CCDC171: variants seen among roughly 807,000 people sequenced by gnomAD.
CCDC171 encodes coiled-coil domain-containing protein 171.
A neutral mutation model predicts 168.2 loss-of-function variants in CCDC171; 177 were observed. The observed-to-expected ratio is 1.05, with a 90% CI of 0.93 to 1.19. The LOEUF is 1.19. Among genes scored for constraint, CCDC171 ranks in the 50% most tolerant of loss-of-function variants. The pLI is 0.00. For synonymous variants in CCDC171, 687 were observed against 540.8 expected (o/e 1.27, Z -3.75); for missense variants, 1,991 against 1,539.0 (o/e 1.29, Z -4.91).
chr9:15,837,131 A>G (rs1011686599), intron 21 of CCDC171, among the ~76,000 whole-genome samples: 8 of 152,160 alleles, frequency 5.3e-5, no homozygotes, highest in African/African-American at 1.9e-4. Context: ...TAAAAGAAAA[A>G]GATTCTTCCG....
intron 20 of CCDC171, 128 bp downstream of exon 20, chr9:15,779,278 CTT>C (rs2057525716): frequency 2.0e-6 from 1 of 512,786 alleles, no homozygotes; most frequent in Non-Finnish European, 3.1e-6. Context: ...AATAACATCT[CTT>C]TTTCTTCAGA....
Position 15,866,430 on chromosome 9 carries a change from T to C in CCDC171, c.3469-8102T>C, listed in dbSNP as rs111619507. Among the ~76,000 whole-genome samples, 84 of 152,094 alleles carry C rather than the reference T, an allele frequency of 5.5e-4. 2 individuals carry two copies. Among genetic ancestry groups the C allele is most frequent in the Admixed American group, 2.2e-3 (33 of 15,246 alleles). On this transcript the variant is annotated intron_variant, in intron 23 of 25. Transcript: ENST00000380701. ...GTCAGAAGGAAGGATGTGAAACTTA[T>C]TCAGCAAAGTGGCATATGATGATGA...
the CCDC171 span, among the ~76,000 whole-genome samples, chr9:16,103,102 T>C: frequency 5.9e-5 from 9 of 152,338 alleles, no homozygotes; most frequent in East Asian, 1.5e-3. Context: ...TTTTGGGTCT[T>C]GGCAGGTCCA....
At chr9:16,001,301 C>T (rs182314727) in intron 3 of CCDC171, among the ~76,000 whole-genome samples, 1 of 152,200 alleles carries the variant, frequency 6.6e-6, no homozygotes, top group Admixed American at 6.5e-5. Flanking sequence ...TGCAGAGCCT[C>T]TCTCTCTTGA....
chr9:15,744,142 A>G lies in CCDC171; in HGVS notation c.2050-131A>G, dbSNP rs541106083. 3 of 707,536 alleles carry G rather than the reference A, an allele frequency of 4.2e-6. No homozygotes were observed. The South Asian group carries it at 6.1e-5, about 14-fold the overall frequency. 43.8% of individuals were successfully genotyped at this position (707,536 alleles called of 1,614,324 possible). On this transcript the variant is annotated intron_variant, in intron 16 of 25. Transcript: ENST00000380701. ...TGTCTATCTTATTTATATTTTGGAT[A>G]TTTTAGCACATGTATCTTTTAAAGA...
intron 11 of CCDC171, among the ~76,000 whole-genome samples, chr9:15,720,988 T>C (rs1261938966): frequency 1.3e-5 from 2 of 152,214 alleles, no homozygotes; most frequent in Non-Finnish European, 2.9e-5. Flanking sequence ...AATTTAGTTT[T>C]TGAAATTCAA....
chr9:15,708,962 T>A (rs910469394), intron 11 of CCDC171, among the ~76,000 whole-genome samples: 1 of 151,926 alleles, frequency 6.6e-6, no homozygotes, highest in Non-Finnish European at 1.5e-5. Flanking sequence ...GGTTTTACTC[T>A]TTTTTTTCAT....
intron 18 of CCDC171, among the ~76,000 whole-genome samples, chr9:15,757,958 C>T (rs2056225995): frequency 6.6e-6 from 1 of 152,296 alleles, no homozygotes; most frequent in East Asian, 1.9e-4. Flanking sequence ...CCAGGATGCC[C>T]AGGCAGAAGT....
In CCDC171 at chr9:15,821,339, C is replaced by A. The variant is rs1476999129; in HGVS notation, c.3268-25363C>A. Among the ~76,000 whole-genome samples, 2 of 116,618 alleles carry A rather than the reference C, an allele frequency of 1.7e-5. 1 individual carries two copies. Among genetic ancestry groups the A allele is most frequent in the African/African-American group, 6.5e-5 (2 of 30,864 alleles). 76.5% of individuals were successfully genotyped at this position (116,618 alleles called of 152,430 possible). The stretch of plus-strand genomic sequence containing the variant: ...ATAGTGTTGGAAGTTCTGGCCAGGG[C>A]AATCAGGCAGGAGAAGGAAATAAAG... On this transcript the variant is annotated intron_variant, in intron 21 of 25. Transcript: ENST00000380701.
chr9:16,092,838 C>G, the CCDC171 span, among the ~76,000 whole-genome samples: 1 of 152,174 alleles, frequency 6.6e-6, no homozygotes, highest in Non-Finnish European at 1.5e-5. Context: ...ACCTGTGTCC[C>G]CAGGGGTGGG....
At chr9:15,577,561 T>C (rs1488981485) in intron 3 of CCDC171, among the ~76,000 whole-genome samples, 1 of 152,196 alleles carries the variant, frequency 6.6e-6, no homozygotes, top group East Asian at 1.9e-4. Context: ...GCCAATATTA[T>C]AAACCCATCT....
intron 11 of CCDC171, among the ~76,000 whole-genome samples, chr9:15,695,876 A>T (rs1216256750): frequency 6.6e-6 from 1 of 152,214 alleles, no homozygotes; most frequent in South Asian, 2.1e-4. Context: ...AGCCCACTTC[A>T]TATGATAAAG....
At chr9:15,712,167 G>C (rs2052719316) in intron 11 of CCDC171, among the ~76,000 whole-genome samples, 1 of 152,204 alleles carries the variant, frequency 6.6e-6, no homozygotes, top group South Asian at 2.1e-4. Flanking sequence ...TCAACAGATT[G>C]GATGAAGCCC....
intron 11 of CCDC171, among the ~76,000 whole-genome samples, 186 bp downstream of exon 11, chr9:15,695,523 C>T (rs536601415): frequency 6.6e-6 from 1 of 152,130 alleles, no homozygotes; most frequent in Admixed American, 6.5e-5. Context: ...GGAATATGGA[C>T]CTGCTGTTGT....
chr9:15,982,233 T>A (rs903282286), intron 3 of CCDC171, among the ~76,000 whole-genome samples: 1 of 152,164 alleles, frequency 6.6e-6, no homozygotes, highest in Admixed American at 6.5e-5. Context: ...TCTCAGAATT[T>A]CAATTAGCAG....
At chr9:15,824,260 CAT>C (rs1216089428) in intron 21 of CCDC171, among the ~76,000 whole-genome samples, 8 of 151,918 alleles carry the variant, frequency 5.3e-5, no homozygotes, top group African/African-American at 9.7e-5. Context: ...ATGTATTTCA[CAT>C]ATATGTCTAT....
chr9:15,638,994 A>C (rs2046399915), intron 7 of CCDC171, among the ~76,000 whole-genome samples: 1 of 152,118 alleles, frequency 6.6e-6, no homozygotes, highest in African/African-American at 2.4e-5. Context: ...ATTATGGTAG[A>C]GAGAGAACAG....
chr9:15,634,150 A>G (rs1402919044), intron 7 of CCDC171, among the ~76,000 whole-genome samples: 4 of 152,202 alleles, frequency 2.6e-5, no homozygotes, highest in Non-Finnish European at 5.9e-5. Context: ...TATTGTGTAC[A>G]TGTACCCTAA....
intron 11 of CCDC171, among the ~76,000 whole-genome samples, chr9:15,702,195 T>C (rs2051805404): frequency 6.6e-6 from 1 of 152,160 alleles, no homozygotes. Flanking sequence ...CAGTTAAACA[T>C]TCTGTAAAGA....
Sources: allele counts gnomAD v4.1 joint callset (sites outside exome capture counted in the v4.1 genomes callset), GRCh38; gene constraint gnomAD v4.1.1; transcripts MANE v1.5; gene names NCBI Gene and HGNC (gene_info 2026-07-23, HGNC 2026-07-21).